SGCG: variants seen among roughly 807,000 people sequenced by gnomAD.
SGCG encodes gamma-sarcoglycan.
A neutral mutation model predicts 29.3 loss-of-function variants in SGCG; 26 were observed. That is an observed-to-expected ratio of 0.89 (90% CI 0.65 to 1.23). The LOEUF (loss-of-function observed/expected upper bound fraction) is 1.23. Ranked by LOEUF, SGCG falls within the 50% of genes most tolerant of loss-of-function variation. SGCG has a pLI of 0.00. For missense variants in SGCG, 353 were observed against 356.0 expected (o/e 0.99, Z 0.07); for synonymous variants, 145 against 129.7 (o/e 1.12, Z -0.80).
At chr13:23,314,382 T>TTTTTTATATATA (rs1240016735) in intron 6 of SGCG, among the ~76,000 whole-genome samples, 1 of 78,624 alleles carries the variant, frequency 1.3e-5, no homozygotes, top group Admixed American at 1.3e-4. Flanking sequence ...CTGCTATAGG[T>TTTTTTATATATA]TATATATATA....
Position 23,299,447 on chromosome 13 carries a change from TATATATATA to T in SGCG, c.578+3961_578+3969del, listed in dbSNP as rs1195150503. ...ATATATATATATATATATATATATATATATATATATTTTTTTTTTTTTTTTAGTCGGAGT... is the reference window on the plus strand; with the variant it reads ...ATATATATATATATATATATATATATTTTTTTTTTTTTTTTTAGTCGGAGT... On this transcript the variant is annotated intron_variant, in intron 6 of 7. Coordinates refer to ENST00000218867, the MANE Select transcript of SGCG (RefSeq NM_000231.3). Among the ~76,000 whole-genome samples, 16 of 26,332 alleles carry T rather than the reference TATATATATA, an allele frequency of 6.1e-4. 1 individual carries two copies. The highest frequency in any genetic ancestry group is 6.6e-4 in the Non-Finnish European group (8 of 12,036). The allele number at this position is 26,332 out of a possible 152,430, so 17.3% of individuals were successfully genotyped here. A position where few individuals can be genotyped will look rare whatever the true frequency, so the allele number is the denominator to read the frequency against.
intron 5 of SGCG, among the ~76,000 whole-genome samples, chr13:23,283,433 A>G (rs1177658163): frequency 1.3e-5 from 2 of 152,112 alleles, no homozygotes; most frequent in East Asian, 3.9e-4. Context: ...GAGACTAGGA[A>G]TGTAATCCCT....
At chr13:23,240,717 G>A (rs1312387785) in intron 3 of SGCG, among the ~76,000 whole-genome samples, 1 of 151,686 alleles carries the variant, frequency 6.6e-6, no homozygotes, top group Non-Finnish European at 1.5e-5. Flanking sequence ...AAATAACCAT[G>A]GGTCAAAGAA....
At chr13:23,174,309 T>G in the SGCG span, among the ~76,000 whole-genome samples, 1 of 152,138 alleles carries the variant, frequency 6.6e-6, no homozygotes, top group Non-Finnish European at 1.5e-5. Context: ...AAGGAGATTG[T>G]GTACAATGGT....
intron 1 of SGCG, among the ~76,000 whole-genome samples, chr13:23,189,311 G>A (rs1436180409): frequency 6.6e-6 from 1 of 152,128 alleles, no homozygotes; most frequent in Non-Finnish European, 1.5e-5. Flanking sequence ...TGAGTAGCTG[G>A]GACTATAGGT....
At chr13:23,249,002 A>AG (rs1427759588) in intron 3 of SGCG, among the ~76,000 whole-genome samples, 2 of 146,726 alleles carry the variant, frequency 1.4e-5, no homozygotes, top group Non-Finnish European at 3.0e-5. Flanking sequence ...GAAAAGAAAA[A>AG]AAAAAAAAAA....
intron 5 of SGCG, among the ~76,000 whole-genome samples, chr13:23,281,915 T>A (rs954397866): frequency 2.0e-4 from 30 of 152,224 alleles, no homozygotes; most frequent in African/African-American, 7.0e-4. Context: ...GTCCCTGCTC[T>A]AGAACATGCT....
At chr13:23,183,502 A>G (rs1260768042) in intron 1 of SGCG, among the ~76,000 whole-genome samples, 1 of 151,978 alleles carries the variant, frequency 6.6e-6, no homozygotes, top group East Asian at 1.9e-4. Flanking sequence ...TGTGCATTCC[A>G]GGATACAAAT....
chr13:23,200,356 G>A (rs913045200), intron 1 of SGCG, among the ~76,000 whole-genome samples: 4 of 152,106 alleles, frequency 2.6e-5, no homozygotes, highest in African/African-American at 4.8e-5. Flanking sequence ...CCCTGGAGGC[G>A]GAGGTTGCAG....
chr13:23,320,974 GCTTT>G (rs1268427171), intron 7 of SGCG, among the ~76,000 whole-genome samples: 1 of 152,074 alleles, frequency 6.6e-6, no homozygotes, highest in Admixed American at 6.6e-5. Flanking sequence ...GATCCAGACA[GCTTT>G]CTTTAACTGG....
chr13:23,165,251 A>C, the SGCG span, among the ~76,000 whole-genome samples: 20 of 152,228 alleles, frequency 1.3e-4, no homozygotes, highest in African/African-American at 4.3e-4. Context: ...ATAATGTTAA[A>C]ACATTTGGGT....
At chr13:23,169,893 G>T in the SGCG span, 1 of 152,212 alleles carries the variant, frequency 6.6e-6, no homozygotes, top group Admixed American at 6.6e-5. Flanking sequence ...GATTGGGGCT[G>T]GTTTGGGCAT....
chr13:23,171,962 T>C, the SGCG span, among the ~76,000 whole-genome samples: 1 of 152,168 alleles, frequency 6.6e-6, no homozygotes, highest in African/African-American at 2.4e-5. Flanking sequence ...CTATTCAAAA[T>C]CAGGGAGGCC....
intron 2 of SGCG, among the ~76,000 whole-genome samples, chr13:23,227,874 A>C (rs1026542105): frequency 2.0e-5 from 3 of 152,220 alleles, no homozygotes; most frequent in African/African-American, 7.2e-5. Context: ...ACAGTGGCTC[A>C]ATCACAGCTC....
rs1421124321 is a variant in SGCG at position 23,181,028 on chromosome 13, C to T, written c.-48C>T. ...GAAACATTCTGTCTGTGGTAGAGCT[C>T]GGGCCAGCTGTAGTTCATTCGCCAG... On this transcript the variant is annotated 5_prime_UTR_variant, in exon 1 of 8. Transcript: ENST00000218867. 1 of 151,416 alleles carries T rather than the reference C, an allele frequency of 6.6e-6. No homozygotes were observed. The highest frequency in any genetic ancestry group is 1.9e-4 in the East Asian group (1 of 5,150). 9.4% of individuals were successfully genotyped at this position (151,416 alleles called of 1,614,324 possible). A position where few individuals can be genotyped will look rare whatever the true frequency, so the allele number is the denominator to read the frequency against.
the SGCG span, among the ~76,000 whole-genome samples, chr13:23,162,179 G>A: frequency 2.0e-5 from 3 of 152,126 alleles, no homozygotes; most frequent in African/African-American, 7.2e-5. Context: ...TAAATTGTGG[G>A]TTGGTAATAT....
At chr13:23,254,849 G>T (rs919816565) in intron 4 of SGCG, among the ~76,000 whole-genome samples, 2 of 152,224 alleles carry the variant, frequency 1.3e-5, no homozygotes, top group Non-Finnish European at 2.9e-5. Context: ...GGCCATCGCT[G>T]TGGAAGGCGC....
At chr13:23,169,404 G>A in the SGCG span, among the ~76,000 whole-genome samples, 6 of 151,478 alleles carry the variant, frequency 4.0e-5, no homozygotes, top group Admixed American at 2.0e-4. Flanking sequence ...AAAGGTAGCC[G>A]GCGCGGTGGC....
chr13:23,190,243 T>C (rs4770405), intron 1 of SGCG, among the ~76,000 whole-genome samples: 10,885 of 152,168 alleles, frequency 0.072, 665 homozygotes, highest in East Asian at 0.28. Context: ...ATAATATTAA[T>C]AATATATGGC....
Sources: allele counts gnomAD v4.1 joint callset (sites outside exome capture counted in the v4.1 genomes callset), GRCh38; gene constraint gnomAD v4.1.1; transcripts MANE v1.5; gene names NCBI Gene and HGNC (gene_info 2026-07-23, HGNC 2026-07-21).